Variants in NBPF20 observed in about 807,000 individuals in gnomAD.
The protein encoded by NBPF20 is NBPF member 20.
NBPF20 carries 90 observed loss-of-function variants against 68.1 expected under a neutral mutation model. The ratio of observed to expected loss-of-function variants is 1.32; its 90% CI spans 1.11 to 1.58. The LOEUF is 1.58. Among genes scored for constraint, NBPF20 ranks in the 40% most tolerant of loss-of-function variants. The pLI, the probability that NBPF20 is intolerant of heterozygous loss-of-function variation, is 0.00. For missense variants in NBPF20, 816 were observed against 601.2 expected (o/e 1.36, Z -3.74); for synonymous variants, 290 against 228.1 (o/e 1.27, Z -2.45).
intron 119 of NBPF20, among the ~76,000 whole-genome samples, chr1:145,306,280 C>T (rs1661406272): frequency 2.7e-5 from 4 of 148,740 alleles, no homozygotes; most frequent in Non-Finnish European, 4.5e-5. Context: ...CACACACACA[C>T]ACACACACAC....
At chr1:145,410,091 T>C (rs1294102969), upstream of NBPF20, among the ~76,000 whole-genome samples, 1 of 152,050 alleles carries the variant, frequency 6.6e-6, no homozygotes, top group Non-Finnish European at 1.5e-5. Flanking sequence ...CGTTTAACCT[T>C]TAAGAAACTG....
chr1:145,409,692 G>A (rs1291439466), upstream of NBPF20, among the ~76,000 whole-genome samples: 1 of 151,118 alleles, frequency 6.6e-6, no homozygotes, highest in Non-Finnish European at 1.5e-5. Context: ...AGGGCCCCCA[G>A]CACCTAGACC....
intron 137 of NBPF20, among the ~76,000 whole-genome samples, chr1:145,292,012 A>C (rs879964294): frequency 6.7e-6 from 1 of 149,846 alleles, no homozygotes; most frequent in African/African-American, 2.5e-5. Context: ...GACCTAGTGA[A>C]TTGCCCAGGT....
chr1:145,291,342 G>C, exon 138 of NBPF20: 1 of 1,095,358 alleles, frequency 9.1e-7, no homozygotes, highest in Non-Finnish European at 1.3e-6. Context: ...CACCTAACGT[G>C]GGTCCATTGT....
chr1:145,291,704 T>G, exon 138 of NBPF20: 1 of 1,611,886 alleles, frequency 6.2e-7, no homozygotes, highest in East Asian at 2.2e-5. Flanking sequence ...CGGAGTAGAA[T>G]AACATCCATC....
chr1:145,377,641 GGAGAGAGA>G (rs1304185362), intron 29 of NBPF20, among the ~76,000 whole-genome samples: 1 of 138,240 alleles, frequency 7.2e-6, no homozygotes, highest in Non-Finnish European at 1.6e-5. Context: ...GGAGAGGGAG[GGAGAGAGA>G]GAGAGAGAGA....
exon 36 of NBPF20, chr1:145,372,533 C>G: frequency 2.1e-6 from 1 of 479,022 alleles, no homozygotes; most frequent in Non-Finnish European, 3.5e-6. Context: ...AGAGCCAAGC[C>G]AAGGTACTGT....
chr1:145,406,561 A>T (rs1662799606), upstream of NBPF20, among the ~76,000 whole-genome samples: 2 of 151,832 alleles, frequency 1.3e-5, no homozygotes, highest in East Asian at 3.8e-4. Flanking sequence ...TCTATGAAAG[A>T]TGTAGGCCAT....
chr1:145,398,634 T>C (rs1362110766), intron 7 of NBPF20, among the ~76,000 whole-genome samples: 16 of 151,806 alleles, frequency 1.1e-4, no homozygotes, highest in Non-Finnish European at 8.8e-5. Context: ...AGAAAAGATC[T>C]AAAATTGACA....
chr1:145,309,179 T>A (rs1661440617), exon 116 of NBPF20: 2 of 85,646 alleles, frequency 2.3e-5, no homozygotes, highest in Admixed American at 4.7e-4. Context: ...TGGAAGGAGT[T>A]GAATAACATC....
intron 9 of NBPF20, among the ~76,000 whole-genome samples, chr1:145,393,545 ACT>A (rs1662043354): frequency 6.6e-6 from 1 of 151,894 alleles, no homozygotes; most frequent in Non-Finnish European, 1.5e-5. Flanking sequence ...GTCAAAGGAC[ACT>A]CTGTATTTGT....
chr1:145,403,845 A>G (rs1229671596), intron 2 of NBPF20, among the ~76,000 whole-genome samples: 2 of 151,972 alleles, frequency 1.3e-5, no homozygotes, highest in Admixed American at 6.6e-5. Flanking sequence ...AGTGTGACAC[A>G]TAACACCTTA....
At chr1:145,296,064 G>A (rs2101423330) in intron 132 of NBPF20, 1 of 164,230 alleles carries the variant, frequency 6.1e-6, no homozygotes, top group Non-Finnish European at 1.0e-5. Context: ...TCAGAGTTGT[G>A]TGAATTTGTC....
the NBPF20 span, among the ~76,000 whole-genome samples, chr1:145,420,121 G>A: frequency 6.7e-6 from 1 of 149,184 alleles, no homozygotes. Flanking sequence ...AGCTGAAGAG[G>A]AGAAAGCAGG....
intron 9 of NBPF20, chr1:145,393,622 G>A (rs1257787188): frequency 1.8e-5 from 14 of 798,504 alleles, no homozygotes; most frequent in Non-Finnish European, 2.1e-5. Flanking sequence ...TGCATAAAAT[G>A]TGCTCAAGTT....
rs1378845368 is a variant in NBPF20, at chr1:145,377,684, G to C, written c.3465-246C>G. ...AGGAGAAAGTGAGCTCAGCGAGTTG[G>C]CCGGGTGACACACTGATGAAGGGGT... On this transcript the variant is annotated intron_variant, in intron 29 of 137. Coordinates refer to ENST00000369373, the Ensembl canonical transcript of NBPF20. 7.4e-5 allele frequency among the ~76,000 whole-genome samples: 10 copies of C among 135,818 alleles called. No individual in the cohort carries two copies. In the South Asian group the frequency reaches 1.1e-3, roughly 15 times the overall value. The allele number at this position is 135,818 out of a possible 152,430, so 89.1% of individuals were successfully genotyped here.
At chr1:145,410,698 ATATGTGTGTGTG>A in the NBPF20 span, among the ~76,000 whole-genome samples, 7 of 113,008 alleles carry the variant, frequency 6.2e-5, no homozygotes, top group African/African-American at 1.6e-4. Context: ...CAATATATAT[ATATGTGTGTGTG>A]TGTGTGTGTG....
the NBPF20 span, among the ~76,000 whole-genome samples, chr1:145,417,122 CAT>C: frequency 2.1e-5 from 3 of 145,840 alleles, no homozygotes; most frequent in Admixed American, 1.4e-4. Flanking sequence ...AAAACACACA[CAT>C]ATAGATGCAT....
At chr1:145,422,247 A>C in the NBPF20 span, among the ~76,000 whole-genome samples, 6 of 151,538 alleles carry the variant, frequency 4.0e-5, 1 homozygote, top group African/African-American at 1.5e-4. Flanking sequence ...GTAAAAAGAT[A>C]AATAAATAAA....
Sources: allele counts gnomAD v4.1 joint callset (sites outside exome capture counted in the v4.1 genomes callset), GRCh38; gene constraint gnomAD v4.1.1; transcripts MANE v1.5; gene names NCBI Gene and HGNC (gene_info 2026-07-23, HGNC 2026-07-21).